The following FAM107A variants were observed in gnomAD, a reference collection of about 807,000 sequenced individuals.
The protein encoded by FAM107A is actin-associated protein FAM107A.
A neutral mutation model predicts 13.7 loss-of-function variants in FAM107A; 19 were observed. The ratio of observed to expected loss-of-function variants is 1.38; its 90% confidence interval spans 0.97 to 2.03. FAM107A has a LOEUF of 2.03. Ranked by LOEUF, FAM107A falls within the 30% of genes most tolerant of loss-of-function variation. The probability of loss-of-function intolerance (pLI) is 0.00; values close to 1 mark genes in which losing one functional copy is unlikely to be tolerated. For missense variants in FAM107A, 203 were observed against 184.4 expected (o/e 1.10, Z -0.58); for synonymous variants, 82 against 74.5 (o/e 1.10, Z -0.52).
upstream of FAM107A, among the ~76,000 whole-genome samples, chr3:58,580,341 T>C (rs1015910546): frequency 1.3e-5 from 2 of 151,386 alleles, no homozygotes; most frequent in African/African-American, 4.9e-5. Flanking sequence ...TATTACTAGA[T>C]GTCATTTGAA....
In FAM107A at chr3:58,606,432, T is replaced by C. The variant is rs184860362; in HGVS notation, c.-69-17163A>G. Among the ~76,000 whole-genome samples the C allele has an allele frequency of 3.0e-4, 45 of 152,366 alleles. No individual in the cohort carries two copies. In the East Asian group the frequency reaches 7.3e-3, roughly 25 times the overall value. On this transcript the variant is annotated intron_variant, in intron 1 of 3. Transcript: ENST00000465970. ...CTCTTACAGAGCTTCCATTGTGTTC[T>C]TCCTAGAACACTTTCGCTGTCTTAC...
chr3:58,579,412 G>A (rs138019255), upstream of FAM107A, among the ~76,000 whole-genome samples: 842 of 152,234 alleles, frequency 5.5e-3, 11 homozygotes, highest in African/African-American at 0.019. Context: ...GAAACAATGT[G>A]TGGTCCCTTT....
chr3:58,623,480 A>T (rs559738044), intron 1 of FAM107A, among the ~76,000 whole-genome samples: 1 of 152,300 alleles, frequency 6.6e-6, no homozygotes, highest in Non-Finnish European at 1.5e-5. Context: ...ACCACGTGCC[A>T]TTCCCTGAGC....
chr3:58,571,114 T>C (rs13315591), intron 1 of FAM107A, among the ~76,000 whole-genome samples: 21,525 of 152,198 alleles, frequency 0.14, 2,775 homozygotes, highest in African/African-American at 0.34. Context: ...AAACAGCTTA[T>C]TGGGGTCAGA....
chr3:58,579,461 T>C (rs540109033), upstream of FAM107A, among the ~76,000 whole-genome samples: 20 of 152,302 alleles, frequency 1.3e-4, no homozygotes, highest in East Asian at 3.7e-3. Context: ...TGAGGCACTA[T>C]GAATGGTAGC....
intron 1 of FAM107A, among the ~76,000 whole-genome samples, chr3:58,625,055 T>G (rs1381411072): frequency 6.6e-6 from 1 of 151,732 alleles, no homozygotes; most frequent in Non-Finnish European, 1.5e-5. Flanking sequence ...ATGGGCTGGG[T>G]TGTTTGGAGT....
Position 58,569,247 on chromosome 3 carries a change from G to A in FAM107A, c.170+444C>T, listed in dbSNP as rs2108039185. Among the ~76,000 whole-genome samples the A allele has an allele frequency of 1.3e-5, 2 of 152,326 alleles. No homozygotes were observed. The highest frequency in any genetic ancestry group is 4.8e-5 in the African/African-American group (2 of 41,584). ...ATAGCTGAGGCAGCACCGCTCCTGT[G>A]AAGTCATTTTAGACCCCTCTCGGGT... is the stretch of plus-strand genomic sequence containing the variant. On this transcript the variant is annotated intron_variant, in intron 2 of 3. Coordinates refer to ENST00000360997, the MANE Select transcript of FAM107A (RefSeq NM_001076778.3). The surrounding 1 kb of genome is among the most constrained non-coding windows in gnomAD (Gnocchi z 5.7).
chr3:58,586,713 C>T, intron 1 of FAM107A: 1 of 923,794 alleles, frequency 1.1e-6, no homozygotes, highest in Non-Finnish European at 1.5e-6. Context: ...AACAAAAAAG[C>T]AAAAAGAATG....
chr3:58,587,474 A>T (rs73091449), upstream of FAM107A, among the ~76,000 whole-genome samples: 2 of 145,452 alleles, frequency 1.4e-5, no homozygotes, highest in African/African-American at 2.5e-5. Context: ...ATCAGCTTAG[A>T]GTGTGTGTGT....
intron 1 of FAM107A, among the ~76,000 whole-genome samples, chr3:58,570,958 A>G (rs2063677629): frequency 6.6e-6 from 1 of 152,218 alleles, no homozygotes; most frequent in Admixed American, 6.5e-5. Context: ...TTCAAACACC[A>G]GGCTTCAGCC....
intron 1 of FAM107A, among the ~76,000 whole-genome samples, chr3:58,585,812 C>CT (rs1394938010): frequency 3.9e-5 from 6 of 152,216 alleles, no homozygotes; most frequent in East Asian, 1.9e-4. Flanking sequence ...TTTGCTTTCT[C>CT]TTTTTTTCCC....
At chr3:58,578,576 A>C (rs2063748807), upstream of FAM107A, among the ~76,000 whole-genome samples, 1 of 152,214 alleles carries the variant, frequency 6.6e-6, no homozygotes, top group Non-Finnish European at 1.5e-5. Context: ...AAAAAAACCC[A>C]AAAAACAAAC....
upstream of FAM107A, among the ~76,000 whole-genome samples, chr3:58,591,283 G>A (rs1044100680): frequency 6.6e-6 from 1 of 152,182 alleles, no homozygotes; most frequent in Non-Finnish European, 1.5e-5. The surrounding 1 kb of genome is among the most constrained non-coding windows in gnomAD (Gnocchi z 4.3). Context: ...AGTTCAGACA[G>A]GTCTCAATGG....
chr3:58,567,504 C>T (rs150437938), intron 2 of FAM107A, 140 bp from the exon 3 acceptor site: 81 of 940,896 alleles, frequency 8.6e-5, no homozygotes, highest in Non-Finnish European at 1.2e-4. Flanking sequence ...GGACCCATTA[C>T]TGTCCCATTT....
chr3:58,612,708 G>C (rs2065865891), intron 1 of FAM107A, among the ~76,000 whole-genome samples: 1 of 151,992 alleles, frequency 6.6e-6, no homozygotes, highest in Admixed American at 6.6e-5. Context: ...GAGAAATAAA[G>C]AAATGAGAAA....
intron 2 of FAM107A, among the ~76,000 whole-genome samples, chr3:58,568,292 G>A (rs2063643787): frequency 6.6e-6 from 1 of 151,954 alleles, no homozygotes; most frequent in African/African-American, 2.4e-5. Context: ...AGAATTAGCC[G>A]AGTGTGGTGG....
chr3:58,619,482 G>A (rs2065933392), intron 1 of FAM107A, among the ~76,000 whole-genome samples: 1 of 152,186 alleles, frequency 6.6e-6, no homozygotes, highest in South Asian at 2.1e-4. Context: ...TCAGTTCCTG[G>A]GACATGCCGC....
intron 1 of FAM107A, among the ~76,000 whole-genome samples, chr3:58,593,969 C>T (rs1374244999): frequency 1.3e-5 from 2 of 151,936 alleles, no homozygotes; most frequent in African/African-American, 4.8e-5. Flanking sequence ...TCAGTTCCAC[C>T]CCTCCCCCCC....
intron 1 of FAM107A, among the ~76,000 whole-genome samples, chr3:58,584,880 GC>G (rs971741546): frequency 1.3e-5 from 2 of 152,178 alleles, no homozygotes. Context: ...CCCATGCTCG[GC>G]CCCCCTCCCG....
Sources: gnomAD v4.1 joint callset for allele counts (sites outside exome capture counted in the v4.1 genomes callset) on GRCh38, gnomAD v4.1.1 for gene constraint, Gnocchi (gnomAD v3.1) non-coding constraint, MANE v1.5 for transcripts, NCBI Gene and HGNC (gene_info 2026-07-23, HGNC 2026-07-21) for gene names.